Variants in ST6GALNAC2 observed in about 807,000 individuals in gnomAD.
The protein encoded by ST6GALNAC2 is ST6 N-acetylgalactosaminide alpha-2,6-sialyltransferase 2.
ST6GALNAC2 carries 42 observed loss-of-function variants against 38.7 expected under a neutral mutation model. That is an observed-to-expected ratio of 1.09 (90% confidence interval 0.85 to 1.40). The LOEUF (loss-of-function observed/expected upper bound fraction) is 1.40. Among genes scored for constraint, ST6GALNAC2 ranks in the 40% most tolerant of loss-of-function variants. The probability of loss-of-function intolerance (pLI) is 0.00; values close to 1 mark genes in which losing one functional copy is unlikely to be tolerated. For missense variants in ST6GALNAC2, 506 were observed against 481.7 expected (o/e 1.05, Z -0.47); for synonymous variants, 233 against 209.0 (o/e 1.11, Z -0.99).
rs1321116512 is a variant in ST6GALNAC2 at position 76,573,473 on chromosome 17, C to A, written c.362-110G>T. ...ATCTCCCCTGAGGCCTGACCCTAGC[C>A]CCTCCCAAGAAGCACAGAGGGTGGG... is the stretch of plus-strand genomic sequence containing the variant. On this transcript the variant is annotated intron_variant, in intron 3 of 8. Transcript: ENST00000225276. The surrounding 1 kb of genome is among the most constrained non-coding windows in gnomAD (Gnocchi z 5.1). The A allele has an allele frequency of 8.2e-6, 9 of 1,097,744 alleles. No individual in the cohort carries two copies. The highest frequency in any genetic ancestry group is 1.1e-5 in the Non-Finnish European group (9 of 811,372). 68.0% of individuals were successfully genotyped at this position (1,097,744 alleles called of 1,614,324 possible). A position where few individuals can be genotyped will look rare whatever the true frequency, so the allele number is the denominator to read the frequency against.
Position 76,566,642 on chromosome 17 carries a change from G to A in ST6GALNAC2, c.958-371C>T, listed in dbSNP as rs1036973195. ...AAGCTGAGGTGGGAGGATCACTTGA[G>A]CTTGGAAGTTTGAGACCAGCCTGGG... On this transcript the variant is annotated intron_variant, in intron 8 of 8. Transcript: ENST00000225276. Among the ~76,000 whole-genome samples, 21 of 151,766 alleles carry A rather than the reference G, an allele frequency of 1.4e-4. No homozygotes were observed. The Middle Eastern group carries it at 0.017, about 124-fold the overall frequency.
intron 5 of ST6GALNAC2, 26 bp from the exon 6 acceptor site, chr17:76,570,694 A>G (rs2075343759): frequency 6.4e-7 from 1 of 1,568,836 alleles, no homozygotes; most frequent in African/African-American, 1.3e-5. Context: ...CAATGAGCCC[A>G]GAGGGGAACC....
chr17:76,580,068 A>G (rs997562531), intron 1 of ST6GALNAC2, among the ~76,000 whole-genome samples: 11 of 152,168 alleles, frequency 7.2e-5, no homozygotes, highest in African/African-American at 2.7e-4. Context: ...AATCATATTG[A>G]GCTCCTTTGA....
intron 1 of ST6GALNAC2, among the ~76,000 whole-genome samples, chr17:76,582,163 CCTT>C (rs1168072944): frequency 8.0e-6 from 1 of 125,456 alleles, no homozygotes; most frequent in African/African-American, 2.9e-5. Flanking sequence ...CCGTGCCCAG[CCTT>C]TTTTTTTTTT....
At chr17:76,567,790 C>T in intron 7 of ST6GALNAC2, 2 of 453,888 alleles carry the variant, frequency 4.4e-6, no homozygotes, top group Non-Finnish European at 8.1e-6. Flanking sequence ...CTTGTTTTCA[C>T]CCCAAGCTAC....
rs1318844008 is a variant in ST6GALNAC2 at position 76,573,175 on chromosome 17, C to G, written c.530+20G>C. 2 of 1,600,448 alleles carry G rather than the reference C, an allele frequency of 1.2e-6. No individual in the cohort carries two copies. The highest frequency in any genetic ancestry group is 4.5e-5 in the East Asian group (2 of 44,762). ...AGGCAACTCTCCCTCCCGCCCCTCCCCAGCTCCTACCCCTCATACCTGAAT... is the reference window on the plus strand; with the variant it reads ...AGGCAACTCTCCCTCCCGCCCCTCCGCAGCTCCTACCCCTCATACCTGAAT... On this transcript the variant is annotated intron_variant, in intron 4 of 8. Transcript: ENST00000225276. This position sits in a 1 kb window ranked among gnomAD's most constrained non-coding sequence, Gnocchi z 5.1.
intron 1 of ST6GALNAC2, among the ~76,000 whole-genome samples, chr17:76,583,808 A>AT (rs1332684696): frequency 9.8e-6 from 1 of 102,326 alleles, no homozygotes; most frequent in Non-Finnish European, 2.1e-5. Context: ...ACAGTGTGAT[A>AT]TTTCTTTTTT....
At chr17:76,578,591 C>T (rs1400947921) in intron 2 of ST6GALNAC2, among the ~76,000 whole-genome samples, 165 bp downstream of exon 2, 2 of 152,118 alleles carry the variant, frequency 1.3e-5, no homozygotes, top group African/African-American at 4.8e-5. Flanking sequence ...CCCTATTGGT[C>T]AGGTCTGAGA....
chr17:76,569,092 G>A, intron 6 of ST6GALNAC2: 2 of 203,898 alleles, frequency 9.8e-6, no homozygotes, highest in Middle Eastern at 1.4e-3. Context: ...GTGGGGGGGC[G>A]GGGGAAGGAG....
At chr17:76,572,556 G>A (rs771359884) in intron 5 of ST6GALNAC2, 81 bp downstream of exon 5, 4 of 1,533,612 alleles carry the variant, frequency 2.6e-6, no homozygotes, top group South Asian at 2.3e-5. Flanking sequence ...GGGTGTGTGA[G>A]CCCTGTGGCC....
chr17:76,573,424 T>G lies in ST6GALNAC2; in HGVS notation c.362-61A>C. ...CTGGCATCGGGGGCACCTGGGGCCTTCCCTAGGCTGGTTCTGGTGCCCCAT... is the reference window on the plus strand; with the variant it reads ...CTGGCATCGGGGGCACCTGGGGCCTGCCCTAGGCTGGTTCTGGTGCCCCAT... On this transcript the variant is annotated intron_variant, in intron 3 of 8. Transcript: ENST00000225276. The surrounding 1 kb of genome is among the most constrained non-coding windows in gnomAD (Gnocchi z 5.1). The G allele has an allele frequency of 7.0e-7, 1 of 1,429,198 alleles. No individual in the cohort carries two copies. The highest frequency in any genetic ancestry group is 9.2e-7 in the Non-Finnish European group (1 of 1,085,758). The allele number at this position is 1,429,198 out of a possible 1,614,324, so 88.5% of individuals were successfully genotyped here. A position where few individuals can be genotyped will look rare whatever the true frequency, so the allele number is the denominator to read the frequency against.
chr17:76,572,569 C>A, intron 5 of ST6GALNAC2, 68 bp downstream of exon 5: 2 of 1,589,086 alleles, frequency 1.3e-6, no homozygotes, highest in Non-Finnish European at 1.7e-6. Flanking sequence ...CTGTGGCCCC[C>A]ACTGAGGGGA....
At chr17:76,566,401 C>T in intron 8 of ST6GALNAC2, 130 bp from the exon 9 acceptor site, 1 of 977,058 alleles carries the variant, frequency 1.0e-6, no homozygotes, top group Non-Finnish European at 1.5e-6. Flanking sequence ...GGCTTATTCC[C>T]ACTTAGCAAG....
Position 76,573,159 on chromosome 17 carries a change from T to TACCCC in ST6GALNAC2, c.530+35_530+36insGGGGT. ...GACACCCCCACCCTCCAGGCAACTC[T>TACCCC]CCCTCCCGCCCCTCCCCAGCTCCTA... On this transcript the variant is annotated intron_variant, in intron 4 of 8. Transcript: ENST00000225276. This position sits in a 1 kb window ranked among gnomAD's most constrained non-coding sequence, Gnocchi z 5.1. 1 of 1,530,322 alleles carries TACCCC rather than the reference T, an allele frequency of 6.5e-7. No individual in the cohort carries two copies. The highest frequency in any genetic ancestry group is 8.9e-7 in the Non-Finnish European group (1 of 1,120,830). The allele number at this position is 1,530,322 out of a possible 1,614,324, so 94.8% of individuals were successfully genotyped here.
chr17:76,574,630 G>A (rs2075393728), intron 2 of ST6GALNAC2, 91 bp from the exon 3 acceptor site: 2 of 1,152,390 alleles, frequency 1.7e-6, no homozygotes, highest in East Asian at 5.7e-5. Context: ...TGCGAGTTGT[G>A]AGGGAAGGCC....
chr17:76,578,001 C>T (rs2075436166), intron 2 of ST6GALNAC2, among the ~76,000 whole-genome samples: 1 of 152,120 alleles, frequency 6.6e-6, no homozygotes, highest in South Asian at 2.1e-4. Context: ...TCAGCATGTC[C>T]CATTTTAGTC....
chr17:76,575,399 G>C (rs1251002085), intron 2 of ST6GALNAC2, among the ~76,000 whole-genome samples: 1 of 152,184 alleles, frequency 6.6e-6, no homozygotes, highest in East Asian at 1.9e-4. Context: ...GATGGAATTA[G>C]TTAGGAGGAG....
intron 1 of ST6GALNAC2, among the ~76,000 whole-genome samples, chr17:76,579,593 T>C (rs1201931876): frequency 6.6e-6 from 1 of 152,246 alleles, no homozygotes; most frequent in African/African-American, 2.4e-5. Flanking sequence ...TGTTGGAAAC[T>C]GAATCCCCAA....
At position 76,565,934 on chromosome 17, in the gene ST6GALNAC2, A is replaced by G. The variant is rs934717375; in HGVS notation, c.*170T>C. The stretch of plus-strand genomic sequence containing the variant: ...AGAAGAGTTCTTGGATGAGCCAAGG[A>G]CAAGCTGGGGTGTCCTATATTGAAC... On this transcript the variant is annotated 3_prime_UTR_variant, in exon 9 of 9. Coordinates refer to ENST00000225276, the MANE Select transcript of ST6GALNAC2 (RefSeq NM_006456.3). 1 of 641,536 alleles carries G rather than the reference A, an allele frequency of 1.6e-6. No homozygotes were observed. Among genetic ancestry groups the G allele is most frequent in the African/African-American group, 1.8e-5 (1 of 54,468 alleles). 39.7% of individuals were successfully genotyped at this position (641,536 alleles called of 1,614,324 possible).
Sources: allele counts gnomAD v4.1 joint callset (sites outside exome capture counted in the v4.1 genomes callset), GRCh38; gene constraint gnomAD v4.1.1; non-coding constraint Gnocchi (gnomAD v3.1); transcripts MANE v1.5; gene names NCBI Gene and HGNC (gene_info 2026-07-23, HGNC 2026-07-21).